The following SPP1 variants were observed in gnomAD, a reference collection of about 807,000 sequenced individuals.
SPP1 encodes the protein osteopontin.
SPP1 carries 18 observed loss-of-function variants against 20.8 expected under a neutral mutation model. The observed-to-expected ratio is 0.87, with a 90% CI of 0.60 to 1.29. SPP1 has a LOEUF of 1.29. SPP1 is among the 50% of genes most tolerant of loss of function. The pLI is 0.00. For synonymous variants in SPP1, 146 were observed against 141.5 expected, an observed-to-expected ratio of 1.03 and a Z score of -0.23; for missense variants, 363 against 389.0, an observed-to-expected ratio of 0.93 and a Z score of 0.56.
chr4:87,981,326 C>G (rs1196546643), intron 5 of SPP1, 149 bp from the exon 6 acceptor site: 2 of 627,400 alleles, frequency 3.2e-6, no homozygotes, highest in Non-Finnish European at 5.3e-6. Flanking sequence ...AAGATGCTCA[C>G]TTTAGCTCCT....
At chr4:87,982,089 AT>A (rs1417391367) in intron 6 of SPP1, among the ~76,000 whole-genome samples, 6 of 152,338 alleles carry the variant, frequency 3.9e-5, no homozygotes, top group Non-Finnish European at 8.8e-5. Context: ...TTTAAAAAAA[AT>A]AATGGTCATG....
At chr4:87,976,496 TGA>T (rs1321727943) in intron 1 of SPP1, among the ~76,000 whole-genome samples, 2 of 152,180 alleles carry the variant, frequency 1.3e-5, no homozygotes, top group Admixed American at 6.5e-5. Flanking sequence ...TTTTTTTCTG[TGA>T]GTTTTTTCTT....
chr4:87,981,588 T>G lies in SPP1; in HGVS notation c.330T>G (p.Asp110Glu). 1 of 1,614,232 alleles carries G rather than the reference T, an allele frequency of 6.2e-7. No individual in the cohort carries two copies. The highest frequency in any genetic ancestry group is 8.5e-7 in the Non-Finnish European group (1 of 1,180,042). The change falls in exon 6 of 7, where the codon GAT (aspartate) becomes GAG (glutamate). Residue 110 changes from aspartate to glutamate, a missense_variant. Transcript: ENST00000395080. ...QDSIDSNDSDDVDDTDDSHQS... is the reference protein window; with the variant it reads ...QDSIDSNDSDEVDDTDDSHQS... Reference sequence around the variant, plus strand: ...CCATTGACTCGAACGACTCTGATGATGTAGATGACACTGATGATTCTCACC... The same window carrying G: ...CCATTGACTCGAACGACTCTGATGAGGTAGATGACACTGATGATTCTCACC...
At chr4:87,978,543 C>T (rs1725501454) in intron 3 of SPP1, among the ~76,000 whole-genome samples, 1 of 151,766 alleles carries the variant, frequency 6.6e-6, no homozygotes, top group Admixed American at 6.6e-5. Context: ...CCACCACGCC[C>T]GGATAATTTT....
chr4:87,975,917 C>A (rs1725360342), intron 1 of SPP1, 117 bp downstream of exon 1: 1 of 151,372 alleles, frequency 6.6e-6, no homozygotes, highest in African/African-American at 2.4e-5. Context: ...AATTTTCTAG[C>A]CTTTTTAATA....
chr4:87,979,687 A>G (rs971631339), intron 3 of SPP1, among the ~76,000 whole-genome samples: 1 of 152,188 alleles, frequency 6.6e-6, no homozygotes, highest in Non-Finnish European at 1.5e-5. Flanking sequence ...TTCGGTGTTA[A>G]GAGCTAGTTT....
Position 87,980,074 on chromosome 4 carries a change from C to T in SPP1, c.122C>T (p.Ala41Val). 1 of 1,614,082 alleles carries T rather than the reference C, an allele frequency of 6.2e-7. No homozygotes were observed. Among genetic ancestry groups the T allele is most frequent in the Admixed American group, 1.7e-5 (1 of 60,006 alleles). ...TACAACAAATACCCAGATGCTGTGG[C>T]CACATGGCTAAACCCTGACCCATCT... ...QLYNKYPDAV[A>V]TWLNPDPSQK... The change falls in exon 4 of 7, where the codon GCC (alanine) becomes GTC (valine). Residue 41 changes from alanine to valine, a missense_variant. Transcript: ENST00000395080.
chr4:87,978,388 CTTT>C (rs1159455110), intron 3 of SPP1, among the ~76,000 whole-genome samples: 1,028 of 89,644 alleles, frequency 0.011, 3 homozygotes, highest in African/African-American at 0.046. Context: ...TTTCCGCCTT[CTTT>C]TTTTTTTTTT....
rs745850418 is a variant in SPP1 at position 87,977,068 on chromosome 4, G to C, written c.64G>C (p.Ala22Pro). 3.7e-6 allele frequency: 6 copies of C among 1,613,772 alleles called. No homozygotes were observed. In the Admixed American group the frequency reaches 8.3e-5, roughly 22 times the overall value. ...GITCAIPVKQADSGSSEEKQL... is the reference protein window; with the variant it reads ...GITCAIPVKQPDSGSSEEKQL... ...CTTTTCTGTTTCTAAGGTTAAACAG[G>C]CTGATTCTGGAAGTTCTGAGGAAAA... is the stretch of plus-strand genomic sequence containing the variant. The change falls in exon 3 of 7, where the codon GCT (alanine) becomes CCT (proline). Residue 22 changes from alanine (A) to proline (P), a missense_variant. Ala to Pro is a conservative substitution (Grantham distance 27, BLOSUM62 -1). Transcript: ENST00000395080.
At chr4:87,977,121 A>G (rs765783024) in intron 3 of SPP1, 24 bp downstream of exon 3, 4 of 1,608,380 alleles carry the variant, frequency 2.5e-6, no homozygotes, top group East Asian at 2.2e-5. Flanking sequence ...ATGTTTTTAT[A>G]TAGTTAAATC....
At chr4:87,977,537 G>A (rs1318969182) in intron 3 of SPP1, 1 of 425,932 alleles carries the variant, frequency 2.3e-6, no homozygotes. Context: ...TAGCTGAGAA[G>A]CCCATTGTGA....
chr4:87,981,459 C>A lies in SPP1; in HGVS notation c.217-16C>A. 1 of 1,606,028 alleles carries A rather than the reference C, an allele frequency of 6.2e-7. No individual in the cohort carries two copies. The highest frequency in any genetic ancestry group is 8.5e-7 in the Non-Finnish European group (1 of 1,175,552). ...AAAACCCATATATTAATTTTCCCGG[C>A]CATCTTAATTTTCAGACCCTTCCAA... On this transcript the variant is annotated splice_polypyrimidine_tract_variant and intron_variant, in intron 5 of 6. Coordinates refer to ENST00000395080, the MANE Select transcript of SPP1 (RefSeq NM_001040058.2).
At chr4:87,978,876 A>C (rs1489680502) in intron 3 of SPP1, among the ~76,000 whole-genome samples, 1 of 152,166 alleles carries the variant, frequency 6.6e-6, no homozygotes. Flanking sequence ...TCTCATTCTC[A>C]GTGACAGGGA....
chr4:87,982,491 G>A lies in SPP1; in HGVS notation c.541-1G>A, dbSNP rs776367262. 6.2e-7 allele frequency: 1 copy of A among 1,611,868 alleles called. No individual in the cohort carries two copies. The highest frequency in any genetic ancestry group is 1.7e-5 in the Admixed American group (1 of 59,886). ...TATTCTTCATTTGTGCCGTGATTCA[G>A]TACCCTGATGCTACAGACGAGGACA... On this transcript the variant is annotated splice_acceptor_variant, in intron 6 of 6. Coordinates refer to ENST00000395080, the MANE Select transcript of SPP1 (RefSeq NM_001040058.2). LOFTEE classifies it high-confidence loss of function.
rs753280770 is a variant in SPP1, at chr4:87,980,029, A to G, written c.94-17A>G. The G allele has an allele frequency of 1.2e-5, 20 of 1,612,942 alleles. No homozygotes were observed. In the South Asian group the frequency reaches 1.9e-4, roughly 15 times the overall value. ...ATTTCTTTTTTTAATAATGATAAAC[A>G]TGCAACTTTTTTGTAGCTTTACAAC... On this transcript the variant is annotated splice_polypyrimidine_tract_variant and intron_variant, in intron 3 of 6. Coordinates refer to ENST00000395080, the MANE Select transcript of SPP1 (RefSeq NM_001040058.2).
chr4:87,981,580 T>C lies in SPP1; in HGVS notation c.322T>C (p.Ser108Pro). 1 of 1,614,166 alleles carries C rather than the reference T, an allele frequency of 6.2e-7. No individual in the cohort carries two copies. Among genetic ancestry groups the C allele is most frequent in the South Asian group, 1.1e-5 (1 of 91,084 alleles). ...DSQDSIDSND[S>P]DDVDDTDDSH... ...CCAGGACTCCATTGACTCGAACGAC[T>C]CTGATGATGTAGATGACACTGATGA... Residue 108 changes from serine to proline, a missense_variant, in exon 6 of 7, where the codon TCT becomes CCT. Transcript: ENST00000395080.
chr4:87,981,792 C>T lies in SPP1; in HGVS notation c.534C>T (p.Asp178=), dbSNP rs1158231009. 1.2e-6 allele frequency: 2 copies of T among 1,613,298 alleles called. No individual in the cohort carries two copies. The highest frequency in any genetic ancestry group is 2.2e-5 in the East Asian group (1 of 44,888). Residue 178 remains aspartate (D), a synonymous_variant, in exon 6 of 7, where the codon GAC becomes GAT. Coordinates refer to ENST00000395080, the MANE Select transcript of SPP1 (RefSeq NM_001040058.2). ...RSKSKKFRRP[D]IQYPDATDED... ...AATCTAAGAAGTTTCGCAGACCTGA[C>T]ATCCAGGTAAATCCTTTAACAGACA... is the stretch of plus-strand genomic sequence containing the variant.
chr4:87,981,972 G>GT (rs1211067877), intron 6 of SPP1, among the ~76,000 whole-genome samples, 174 bp downstream of exon 6: 9 of 151,832 alleles, frequency 5.9e-5, no homozygotes, highest in African/African-American at 1.9e-4. Flanking sequence ...GGCGGTTTTT[G>GT]TAAGTCTACA....
chr4:87,981,668 C>T lies in SPP1; in HGVS notation c.410C>T (p.Pro137Leu), dbSNP rs1725651612. The T allele has an allele frequency of 6.2e-7, 1 of 1,614,032 alleles. No homozygotes were observed. The highest frequency in any genetic ancestry group is 2.2e-5 in the East Asian group (1 of 44,900). The change falls in exon 6 of 7, where the codon CCC becomes CTC. Residue 137 changes from proline (P) to leucine (L), a missense_variant. Transcript: ENST00000395080. ...DESDELVTDF[P>L]TDLPATEVFT... ...TCTGATGAACTGGTCACTGATTTTCCCACGGACCTGCCAGCAACCGAAGTT... is the reference window on the plus strand; with the variant it reads ...TCTGATGAACTGGTCACTGATTTTCTCACGGACCTGCCAGCAACCGAAGTT...
Sources: gnomAD v4.1 joint callset for allele counts (sites outside exome capture counted in the v4.1 genomes callset) on GRCh38, gnomAD v4.1.1 for gene constraint, MANE v1.5 for transcripts, NCBI Gene and HGNC (gene_info 2026-07-23, HGNC 2026-07-21) for gene names.